The following HELZ variants were observed in gnomAD, a reference collection of about 807,000 sequenced individuals.
The protein encoded by HELZ is ATP-dependent RNA helicase with zinc finger domain.
HELZ carries 23 observed loss-of-function variants against 218.2 expected under a neutral mutation model. That is an observed-to-expected ratio of 0.11 (90% CI 0.08 to 0.15). The LOEUF (loss-of-function observed/expected upper bound fraction) is 0.15. HELZ is among the 10% of genes least tolerant of loss of function. HELZ has a pLI of 1.00. For missense variants in HELZ, 1,813 were observed against 2,353.7 expected, an observed-to-expected ratio of 0.77 and a Z score of 4.75; for synonymous variants, 814 against 829.4, an observed-to-expected ratio of 0.98 and a Z score of 0.32.
intron 3 of HELZ, among the ~76,000 whole-genome samples, chr17:67,234,888 T>G (rs539462274): frequency 6.6e-6 from 1 of 152,202 alleles, no homozygotes; most frequent in Admixed American, 6.5e-5. Flanking sequence ...TTCCTGGTGG[T>G]GTGATTTAAA....
At chr17:67,216,987 C>A (rs928345883) in intron 4 of HELZ, among the ~76,000 whole-genome samples, 8 of 152,166 alleles carry the variant, frequency 5.3e-5, no homozygotes, top group African/African-American at 1.7e-4. Context: ...CTCTATGATG[C>A]TCATTTTCCC....
intron 31 of HELZ, among the ~76,000 whole-genome samples, chr17:67,092,892 C>CT (rs749861130): frequency 6.8e-6 from 1 of 147,530 alleles, no homozygotes; most frequent in East Asian, 2.0e-4. Context: ...TTGAAACCGG[C>CT]GGGGGGGGGA....
Position 67,071,950 on chromosome 17 carries a change from C to CT in HELZ, c.*6301dup, listed in dbSNP as rs1248033622. 4.6e-5 allele frequency: 7 copies of CT among 152,322 alleles called. No homozygotes were observed. Among genetic ancestry groups the CT allele is most frequent in the African/African-American group, 1.5e-4 (6 of 41,336 alleles). 9.4% of individuals were successfully genotyped at this position (152,322 alleles called of 1,614,324 possible). A position where few individuals can be genotyped will look rare whatever the true frequency, so the allele number is the denominator to read the frequency against. On this transcript the variant is annotated 3_prime_UTR_variant, in exon 33 of 33. Coordinates refer to ENST00000358691, the MANE Select transcript of HELZ (RefSeq NM_014877.4). ...TGGCATGGCAGAGAATCTAAAATAA[C>CT]TTTGTTAACCTGAGAAACACATAAT... is the stretch of plus-strand genomic sequence containing the variant.
chr17:67,084,877 T>C (rs1567786096), intron 32 of HELZ, among the ~76,000 whole-genome samples: 2 of 152,116 alleles, frequency 1.3e-5, no homozygotes, highest in African/African-American at 4.8e-5. Context: ...CTCAGAACTT[T>C]GGGAGGCCAA....
In HELZ at chr17:67,190,286, T is replaced by A; in HGVS notation, c.627A>T (p.Ala209=). 6.2e-7 allele frequency: 1 copy of A among 1,614,108 alleles called. No individual in the cohort carries two copies. The highest frequency in any genetic ancestry group is 8.5e-7 in the Non-Finnish European group (1 of 1,179,922). Residue 209 remains alanine (A), a synonymous_variant, in exon 10 of 33, where the codon GCA becomes GCT. Coordinates refer to ENST00000358691, the MANE Select transcript of HELZ (RefSeq NM_014877.4). The part of the protein sequence containing the change: ...CTSAHSQEEL[A]EWQKRYASRL... ...GTGAAGCATATCTTTTCTGCCATTCTGCTAGTTCTTCCTGGGAATGTGCTG... is the reference window on the plus strand; with the variant it reads ...GTGAAGCATATCTTTTCTGCCATTCAGCTAGTTCTTCCTGGGAATGTGCTG...
At chr17:67,175,981 C>A (rs1567864973) in intron 13 of HELZ, among the ~76,000 whole-genome samples, 1 of 152,096 alleles carries the variant, frequency 6.6e-6, no homozygotes, top group African/African-American at 2.4e-5. Context: ...ACTATCTTAC[C>A]ACTGCCGTAC....
At chr17:67,150,014 G>A in intron 18 of HELZ, 29 bp from the exon 19 acceptor site, 1 of 1,311,310 alleles carries the variant, frequency 7.6e-7, no homozygotes, top group Non-Finnish European at 1.1e-6. Flanking sequence ...ACACAGGATA[G>A]CACGCTAGAG....
chr17:67,097,293 G>A (rs567008632), intron 31 of HELZ, among the ~76,000 whole-genome samples: 20 of 152,332 alleles, frequency 1.3e-4, no homozygotes, highest in East Asian at 9.6e-4. Context: ...AAGTGAGCAC[G>A]TGCTGTCAGA....
Position 67,086,932 on chromosome 17 carries a change from G to T in HELZ, c.5391C>A (p.Asn1797Lys). 1.2e-6 allele frequency: 2 copies of T among 1,613,848 alleles called. No homozygotes were observed. Among genetic ancestry groups the T allele is most frequent in the East Asian group, 2.2e-5 (1 of 44,846 alleles). Reference sequence around the variant, plus strand: ...TTACCCAGGACTCCGGGGATGAAAAGTTGAAAGAAGATTGGTTACTGTGGT... The same window carrying T: ...TTACCCAGGACTCCGGGGATGAAAATTTGAAAGAAGATTGGTTACTGTGGT... ...LQDHSNQSSFNFSSPESWVNT... is the reference protein window; with the variant it reads ...LQDHSNQSSFKFSSPESWVNT... Residue 1797 changes from asparagine to lysine, a missense_variant, in exon 32 of 33, where the codon AAC becomes AAA. Physicochemically the swap from Asn to Lys is moderately conservative, Grantham distance 94 (BLOSUM62 0). Coordinates refer to ENST00000358691, the MANE Select transcript of HELZ (RefSeq NM_014877.4).
intron 5 of HELZ, among the ~76,000 whole-genome samples, chr17:67,209,471 G>A (rs1202086593): frequency 6.6e-6 from 1 of 152,128 alleles, no homozygotes; most frequent in Admixed American, 6.6e-5. Flanking sequence ...GGTGGTGGGC[G>A]CCTGTAATCC....
chr17:67,159,047 T>C (rs1361866142), intron 17 of HELZ, among the ~76,000 whole-genome samples: 2 of 152,256 alleles, frequency 1.3e-5, no homozygotes, highest in Middle Eastern at 3.4e-3. Context: ...ACAATATAAG[T>C]GAACAAAACA....
intron 7 of HELZ, among the ~76,000 whole-genome samples, chr17:67,200,000 C>A (rs1330520972): frequency 1.3e-5 from 2 of 152,162 alleles, no homozygotes; most frequent in African/African-American, 2.4e-5. Flanking sequence ...GTGAATTACA[C>A]TTACAGTTGT....
chr17:67,105,770 T>C (rs1192239308), intron 31 of HELZ, among the ~76,000 whole-genome samples: 1 of 152,346 alleles, frequency 6.6e-6, no homozygotes, highest in South Asian at 2.1e-4. Flanking sequence ...ACAATACATA[T>C]ATGTAGATAC....
chr17:67,233,499 C>T (rs754044442), intron 3 of HELZ, among the ~76,000 whole-genome samples: 5 of 152,186 alleles, frequency 3.3e-5, no homozygotes, highest in Admixed American at 6.5e-5. Context: ...CAGTGTGAAG[C>T]AGAGAGAAAA....
At chr17:67,179,559 A>G (rs1350732522) in intron 12 of HELZ, 1 of 152,248 alleles carries the variant, frequency 6.6e-6, no homozygotes, top group East Asian at 1.9e-4. Context: ...AGTAGGGCAC[A>G]ATGTCAAAAC....
chr17:67,224,268 AG>A (rs1316305709), intron 3 of HELZ: 10 of 156,282 alleles, frequency 6.4e-5, no homozygotes, highest in African/African-American at 2.2e-4. Context: ...GAGAAACTAC[AG>A]GGGGTTGAAT....
intron 14 of HELZ, among the ~76,000 whole-genome samples, chr17:67,166,970 C>CA (rs1330734489): frequency 3.9e-5 from 6 of 152,140 alleles, no homozygotes; most frequent in African/African-American, 1.4e-4. Flanking sequence ...AAGATCAGAA[C>CA]ATGTGAAGTA....
At chr17:67,236,548 G>C (rs1412103702) in intron 3 of HELZ, among the ~76,000 whole-genome samples, 1 of 151,994 alleles carries the variant, frequency 6.6e-6, no homozygotes, top group Non-Finnish European at 1.5e-5. Context: ...GTAAATTGTA[G>C]CATGACTTGA....
intron 21 of HELZ, among the ~76,000 whole-genome samples, chr17:67,145,116 TC>T (rs2038453750): frequency 6.6e-6 from 1 of 152,120 alleles, no homozygotes; most frequent in Non-Finnish European, 1.5e-5. Flanking sequence ...TGATATGCCA[TC>T]CTCGGGCTTC....
Sources: gnomAD v4.1 joint callset for allele counts (sites outside exome capture counted in the v4.1 genomes callset) on GRCh38, gnomAD v4.1.1 for gene constraint, MANE v1.5 for transcripts, NCBI Gene and HGNC (gene_info 2026-07-23, HGNC 2026-07-21) for gene names.